Variants in LRRC4C observed in about 807,000 individuals in gnomAD.
The protein encoded by LRRC4C is leucine-rich repeat-containing protein 4C.
LRRC4C carries 5 observed loss-of-function variants against 33.6 expected under a neutral mutation model. The ratio of observed to expected loss-of-function variants is 0.15; its 90% CI spans 0.08 to 0.31. LRRC4C has a LOEUF of 0.31. Among genes scored for constraint, LRRC4C ranks in the 10% least tolerant of loss-of-function variants. The pLI, the probability that LRRC4C is intolerant of heterozygous loss-of-function variation, is 1.00. For synonymous variants in LRRC4C, 329 were observed against 302.0 expected (o/e 1.09, Z -0.93); for missense variants, 560 against 796.7 (o/e 0.70, Z 3.58).
intron 3 of LRRC4C, among the ~76,000 whole-genome samples, chr11:40,564,727 G>T (rs752444888): frequency 6.6e-6 from 1 of 152,164 alleles, no homozygotes; most frequent in Non-Finnish European, 1.5e-5. Context: ...TCCCTAAAGA[G>T]GGAATACTTT....
At chr11:40,749,580 T>A (rs1405075949) in intron 2 of LRRC4C, among the ~76,000 whole-genome samples, 3 of 135,868 alleles carry the variant, frequency 2.2e-5, no homozygotes, top group African/African-American at 5.5e-5. Flanking sequence ...AAAGCAAGAA[T>A]AAACCAAAGC....
intron 2 of LRRC4C, among the ~76,000 whole-genome samples, chr11:40,878,556 G>A (rs952967680): frequency 6.6e-6 from 1 of 152,136 alleles, no homozygotes; most frequent in Non-Finnish European, 1.5e-5. Context: ...TCTGACATGA[G>A]GTGGAGCTCA....
chr11:40,135,051 T>C (rs1565033979), intron 6 of LRRC4C, among the ~76,000 whole-genome samples: 1 of 152,206 alleles, frequency 6.6e-6, no homozygotes, highest in Non-Finnish European at 1.5e-5. Flanking sequence ...AGAATGCAGA[T>C]AGCAGGGATG....
At chr11:40,609,174 A>G (rs1254052508) in intron 3 of LRRC4C, among the ~76,000 whole-genome samples, 1 of 152,100 alleles carries the variant, frequency 6.6e-6, no homozygotes, top group Non-Finnish European at 1.5e-5. Context: ...TTAGCTCACA[A>G]AAAAGTCTTA....
At chr11:40,579,803 C>A (rs1335683231) in intron 3 of LRRC4C, among the ~76,000 whole-genome samples, 1 of 152,160 alleles carries the variant, frequency 6.6e-6, no homozygotes, top group Non-Finnish European at 1.5e-5. Context: ...TCTTCTACTT[C>A]ATTTATTTAT....
intron 5 of LRRC4C, among the ~76,000 whole-genome samples, chr11:40,197,748 A>T (rs1338331992): frequency 1.3e-5 from 2 of 152,208 alleles, no homozygotes; most frequent in Admixed American, 1.3e-4. Flanking sequence ...AGACTATGCT[A>T]GGAGAGTATG....
At chr11:40,600,659 T>C (rs559976330) in intron 3 of LRRC4C, among the ~76,000 whole-genome samples, 154 of 152,276 alleles carry the variant, frequency 1.0e-3, no homozygotes, top group Admixed American at 3.5e-3. Flanking sequence ...TCCAGATATT[T>C]CAAACTTCCA....
intron 2 of LRRC4C, among the ~76,000 whole-genome samples, chr11:40,757,981 G>C (rs973718923): frequency 8.6e-5 from 13 of 152,016 alleles, no homozygotes; most frequent in African/African-American, 3.1e-4. Flanking sequence ...TCTGAGAGTA[G>C]GATGCATTAT....
chr11:41,366,207 T>C (rs28605503), intron 1 of LRRC4C, among the ~76,000 whole-genome samples: 50 of 20,164 alleles, frequency 2.5e-3, no homozygotes, highest in African/African-American at 4.4e-3. Context: ...GACAGATAGA[T>C]AGATAGATAG....
chr11:40,580,404 T>C (rs1023246773), intron 3 of LRRC4C, among the ~76,000 whole-genome samples: 5 of 152,060 alleles, frequency 3.3e-5, no homozygotes, highest in Admixed American at 6.6e-5. Context: ...CGTGATCAAA[T>C]CACCTCCCTC....
chr11:41,246,705 T>C (rs1948466307), intron 1 of LRRC4C, among the ~76,000 whole-genome samples: 1 of 152,118 alleles, frequency 6.6e-6, no homozygotes, highest in South Asian at 2.1e-4. Flanking sequence ...TCTTATATGG[T>C]TTGCTATTAT....
At chr11:41,297,718 T>C (rs897252991) in intron 1 of LRRC4C, among the ~76,000 whole-genome samples, 1 of 152,162 alleles carries the variant, frequency 6.6e-6, no homozygotes, top group Non-Finnish European at 1.5e-5. Context: ...TTTTACATTT[T>C]TGATACCTAA....
chr11:40,542,028 CTCTT>C (rs1403635353), intron 3 of LRRC4C, among the ~76,000 whole-genome samples: 4 of 142,958 alleles, frequency 2.8e-5, no homozygotes, highest in Non-Finnish European at 4.6e-5. Flanking sequence ...CCTTTCCTTT[CTCTT>C]TCTCTTTCTT....
chr11:41,205,550 A>G (rs764156145), intron 1 of LRRC4C, among the ~76,000 whole-genome samples: 4 of 152,174 alleles, frequency 2.6e-5, no homozygotes, highest in Non-Finnish European at 4.4e-5. Context: ...CAGAGTCAAT[A>G]CCCTCAAACT....
intron 2 of LRRC4C, among the ~76,000 whole-genome samples, chr11:40,724,860 G>GA (rs1431159271): frequency 1.3e-5 from 2 of 151,634 alleles, no homozygotes; most frequent in East Asian, 3.9e-4. Flanking sequence ...GATTTACAAA[G>GA]AAAAAAAAGA....
intron 3 of LRRC4C, among the ~76,000 whole-genome samples, chr11:40,454,383 A>G (rs1328302183): frequency 1.3e-5 from 2 of 152,004 alleles, no homozygotes; most frequent in African/African-American, 4.8e-5. Flanking sequence ...TAGTAAACTT[A>G]GAGAATTTTT....
intron 3 of LRRC4C, among the ~76,000 whole-genome samples, chr11:40,500,587 C>G: frequency 6.6e-6 from 1 of 151,830 alleles, no homozygotes; most frequent in Non-Finnish European, 1.5e-5. Flanking sequence ...GAAGTGAAAG[C>G]TGAAACCCCT....
chr11:41,182,941 T>C (rs1359111186), intron 1 of LRRC4C, among the ~76,000 whole-genome samples: 1 of 151,456 alleles, frequency 6.6e-6, no homozygotes, highest in Non-Finnish European at 1.5e-5. Context: ...GCAAATCACA[T>C]CTTACATGGA....
chr11:41,316,296 T>C (rs934052739), intron 1 of LRRC4C, among the ~76,000 whole-genome samples: 10 of 100,110 alleles, frequency 1.0e-4, no homozygotes, highest in African/African-American at 3.6e-4. Flanking sequence ...AAAACAAACA[T>C]GAGCAGAAAT....
Sources: gnomAD v4.1 joint callset for allele counts (sites outside exome capture counted in the v4.1 genomes callset) on GRCh38, gnomAD v4.1.1 for gene constraint, MANE v1.5 for transcripts, NCBI Gene and HGNC (gene_info 2026-07-23, HGNC 2026-07-21) for gene names.